MCTP1: variants seen among roughly 807,000 people sequenced by gnomAD.
The protein encoded by MCTP1 is multiple C2 and transmembrane domain-containing protein 1.
A neutral mutation model predicts 120.6 loss-of-function variants in MCTP1; 69 were observed. The observed-to-expected ratio is 0.57, with a 90% CI of 0.47 to 0.70. The LOEUF (loss-of-function observed/expected upper bound fraction) is 0.70. Among genes scored for constraint, MCTP1 ranks in the 30% least tolerant of loss-of-function variants. The pLI is 0.00. For synonymous variants in MCTP1, 529 were observed against 493.1 expected (o/e 1.07, Z -0.96); for missense variants, 1,203 against 1,248.8 (o/e 0.96, Z 0.55).
chr5:95,143,935 G>A (rs1212437678), intron 1 of MCTP1, among the ~76,000 whole-genome samples: 1 of 152,110 alleles, frequency 6.6e-6, no homozygotes, highest in Non-Finnish European at 1.5e-5. Flanking sequence ...TGGGATTGCT[G>A]GGTCAAATGG....
intron 19 of MCTP1, among the ~76,000 whole-genome samples, chr5:94,715,389 A>C (rs796794704): frequency 9.4e-4 from 114 of 121,094 alleles, no homozygotes; most frequent in African/African-American, 2.4e-3. Context: ...AAAAAAAAAA[A>C]CACCACCACC....
intron 2 of MCTP1, among the ~76,000 whole-genome samples, chr5:95,014,405 G>T (rs554752188): frequency 1.3e-5 from 2 of 152,266 alleles, no homozygotes; most frequent in South Asian, 4.1e-4. Flanking sequence ...GGAAGTAACT[G>T]TAGATGTGGT....
Position 95,040,360 on chromosome 5 carries a change from C to T in MCTP1, c.721-22876G>A, listed in dbSNP as rs534177281. On this transcript the variant is annotated intron_variant, in intron 1 of 22. Transcript: ENST00000515393. ...GACTGAGACACCAGAATCGCTTGAACCTGAGAGGCGGAAGGTTGCAGCAAG... is the reference window on the plus strand; with the variant it reads ...GACTGAGACACCAGAATCGCTTGAATCTGAGAGGCGGAAGGTTGCAGCAAG... Among the ~76,000 whole-genome samples, 722 of 151,968 alleles carry T rather than the reference C, an allele frequency of 4.8e-3. 6 individuals carry two copies. Among genetic ancestry groups the T allele is most frequent in the Non-Finnish European group, 7.9e-3 (536 of 67,956 alleles).
At chr5:95,086,252 A>AC (rs1351572050) in intron 1 of MCTP1, among the ~76,000 whole-genome samples, 1 of 152,188 alleles carries the variant, frequency 6.6e-6, no homozygotes, top group East Asian at 1.9e-4. Flanking sequence ...TCGGCTATGT[A>AC]CCCCCGTACA....
chr5:95,255,776 C>T (rs1385216659), intron 1 of MCTP1, among the ~76,000 whole-genome samples: 1 of 152,090 alleles, frequency 6.6e-6, no homozygotes, highest in African/African-American at 2.4e-5. Context: ...AAGACATAAG[C>T]TAATCCCCAA....
At chr5:94,937,431 A>C (rs1816465964) in intron 5 of MCTP1, among the ~76,000 whole-genome samples, 1 of 152,046 alleles carries the variant, frequency 6.6e-6, no homozygotes, top group African/African-American at 2.4e-5. Flanking sequence ...GATGAAGAGA[A>C]AGGAAAAGGA....
intron 3 of MCTP1, among the ~76,000 whole-genome samples, chr5:94,948,430 T>A (rs1209826158): frequency 2.0e-5 from 3 of 152,228 alleles, no homozygotes; most frequent in Non-Finnish European, 4.4e-5. Flanking sequence ...AGTATAGTCA[T>A]GCTTTTTTGT....
intron 1 of MCTP1, among the ~76,000 whole-genome samples, chr5:95,111,787 T>C (rs1757473590): frequency 1.3e-5 from 2 of 152,206 alleles, no homozygotes; most frequent in Admixed American, 1.3e-4. Context: ...CCTCTGCAGT[T>C]AATTTTTCAT....
intron 1 of MCTP1, among the ~76,000 whole-genome samples, chr5:95,270,933 A>C (rs1393630577): frequency 6.6e-6 from 1 of 151,596 alleles, no homozygotes; most frequent in Non-Finnish European, 1.5e-5. Flanking sequence ...CTCTCTCTCA[A>C]AAAAAAAATG....
At chr5:95,096,129 T>C (rs1182449334) in intron 1 of MCTP1, among the ~76,000 whole-genome samples, 2 of 152,188 alleles carry the variant, frequency 1.3e-5, no homozygotes, top group Non-Finnish European at 2.9e-5. Context: ...CCAAACAATA[T>C]TTGAAAAGCG....
intron 7 of MCTP1, among the ~76,000 whole-genome samples, chr5:94,921,141 A>C (rs1417898081): frequency 6.6e-6 from 1 of 152,206 alleles, no homozygotes; most frequent in Non-Finnish European, 1.5e-5. Flanking sequence ...CTAAGTTCCC[A>C]CCTTTAAGTG....
At chr5:94,712,612 T>A (rs1374793017) in intron 20 of MCTP1, among the ~76,000 whole-genome samples, 1 of 152,086 alleles carries the variant, frequency 6.6e-6, no homozygotes, top group Non-Finnish European at 1.5e-5. Context: ...CAATGTTGGG[T>A]CAATCTGGTT....
In MCTP1 at chr5:95,284,537, C is replaced by T. The variant is rs1457016219; in HGVS notation, c.39G>A (p.Pro13=). ...CCTGGAAGGAGGAGGACGCCGCCGGCGGCTCTGGCTCGCCCGCCGCGGCAG... is the reference window on the plus strand; with the variant it reads ...CCTGGAAGGAGGAGGACGCCGCCGGTGGCTCTGGCTCGCCCGCCGCGGCAG... ...PRAAAAGEPE[P]PAASSSFQAR... Residue 13 remains proline, a synonymous_variant, in exon 1 of 23, where the codon CCG becomes CCA. Transcript: ENST00000515393. This position sits in a 1 kb window ranked among gnomAD's most constrained non-coding sequence, Gnocchi z 5.2. 1.3e-6 allele frequency: 2 copies of T among 1,487,696 alleles called. No individual in the cohort carries two copies. The highest frequency in any genetic ancestry group is 1.3e-5 in the South Asian group (1 of 77,420). 92.2% of individuals were successfully genotyped at this position (1,487,696 alleles called of 1,614,324 possible).
chr5:94,839,247 C>T (rs1054341074), intron 17 of MCTP1, among the ~76,000 whole-genome samples: 9 of 152,094 alleles, frequency 5.9e-5, no homozygotes, highest in Non-Finnish European at 1.0e-4. Flanking sequence ...TTTCTATCAC[C>T]GCCAAGTTGA....
chr5:94,828,038 A>C, intron 17 of MCTP1, among the ~76,000 whole-genome samples: 1 of 152,018 alleles, frequency 6.6e-6, no homozygotes, highest in South Asian at 2.1e-4. Flanking sequence ...GAGAAGAGGC[A>C]TTCTGGTTTT....
chr5:95,019,330 T>A (rs534904653), intron 1 of MCTP1, among the ~76,000 whole-genome samples: 1 of 152,172 alleles, frequency 6.6e-6, no homozygotes, highest in East Asian at 1.9e-4. Context: ...TCAGTACTGT[T>A]AACCATAGTC....
intron 2 of MCTP1, among the ~76,000 whole-genome samples, chr5:94,958,206 TTCTTTG>T (rs1363312769): frequency 1.3e-5 from 2 of 152,162 alleles, no homozygotes; most frequent in Non-Finnish European, 2.9e-5. Flanking sequence ...AATAAATAAG[TTCTTTG>T]AAACCAATGA....
intron 1 of MCTP1, among the ~76,000 whole-genome samples, chr5:95,208,921 T>A (rs903485679): frequency 8.5e-5 from 13 of 152,114 alleles, no homozygotes; most frequent in African/African-American, 3.1e-4. Flanking sequence ...TACCATTCCT[T>A]CCTTCTTTAA....
At chr5:95,038,125 TG>T (rs974925056) in intron 1 of MCTP1, 1 of 984,946 alleles carries the variant, frequency 1.0e-6, no homozygotes, top group African/African-American at 1.7e-5. Flanking sequence ...TGCACAGCTG[TG>T]GATGGAGTAG....
Sources: allele counts gnomAD v4.1 joint callset (sites outside exome capture counted in the v4.1 genomes callset), GRCh38; gene constraint gnomAD v4.1.1; non-coding constraint Gnocchi (gnomAD v3.1); transcripts MANE v1.5; gene names NCBI Gene and HGNC (gene_info 2026-07-23, HGNC 2026-07-21).